CRPPA: variants seen among roughly 807,000 people sequenced by gnomAD.
The protein encoded by CRPPA is D-ribitol-5-phosphate cytidylyltransferase.
In CRPPA, 43 loss-of-function variants were observed where a neutral mutation model predicts 52.0. That is an observed-to-expected ratio of 0.83 (90% confidence interval 0.65 to 1.07). CRPPA has a LOEUF of 1.07. Among genes scored for constraint, CRPPA ranks in the 50% least tolerant of loss-of-function variants. CRPPA has a pLI of 0.00. For missense variants in CRPPA, 629 were observed against 551.7 expected (o/e 1.14, Z -1.40); for synonymous variants, 250 against 203.5 (o/e 1.23, Z -1.94).
intron 9 of CRPPA, among the ~76,000 whole-genome samples, chr7:16,114,776 T>A (rs1304048722): frequency 1.3e-5 from 2 of 152,030 alleles, no homozygotes; most frequent in Non-Finnish European, 2.9e-5. Flanking sequence ...TTCTCCACCA[T>A]TAAATAAGAT....
chr7:16,378,925 G>C (rs1408622937), intron 2 of CRPPA, among the ~76,000 whole-genome samples: 1 of 152,154 alleles, frequency 6.6e-6, no homozygotes, highest in Non-Finnish European at 1.5e-5. Context: ...AGAAGTGTCT[G>C]TTCATCTCCT....
chr7:16,376,041 T>A, intron 3 of CRPPA, 51 bp downstream of exon 3: 1 of 1,526,294 alleles, frequency 6.6e-7, no homozygotes, highest in Non-Finnish European at 8.8e-7. Context: ...GTGGAGGTTG[T>A]TTGGGGAACC....
At chr7:16,187,553 A>C (rs1781530936) in intron 9 of CRPPA, among the ~76,000 whole-genome samples, 1 of 152,214 alleles carries the variant, frequency 6.6e-6, no homozygotes, top group South Asian at 2.1e-4. Flanking sequence ...TAACCTTAAG[A>C]GATCCAAGGC....
At chr7:16,277,758 TC>T (rs1362436972) in intron 6 of CRPPA, among the ~76,000 whole-genome samples, 3 of 152,118 alleles carry the variant, frequency 2.0e-5, no homozygotes, top group African/African-American at 7.2e-5. Context: ...GTCTCTTATT[TC>T]CCCCTCCCTC....
At chr7:16,373,818 A>C (rs528277414) in intron 3 of CRPPA, among the ~76,000 whole-genome samples, 1 of 152,340 alleles carries the variant, frequency 6.6e-6, no homozygotes, top group South Asian at 2.1e-4. Flanking sequence ...GAGAAGAAGC[A>C]ATCCAGCCAG....
chr7:16,322,750 A>G (rs922839363), intron 3 of CRPPA, among the ~76,000 whole-genome samples: 1 of 152,128 alleles, frequency 6.6e-6, no homozygotes, highest in African/African-American at 2.4e-5. Context: ...TAAGTTCCAC[A>G]ACCGTATATT....
At chr7:16,098,488 C>T (rs1330804117) in intron 9 of CRPPA, among the ~76,000 whole-genome samples, 1 of 152,176 alleles carries the variant, frequency 6.6e-6, no homozygotes, top group Non-Finnish European at 1.5e-5. Context: ...TAATACCCTT[C>T]TTCCATCCTT....
intron 9 of CRPPA, among the ~76,000 whole-genome samples, chr7:16,201,977 C>G (rs1781871232): frequency 6.6e-6 from 1 of 152,100 alleles, no homozygotes; most frequent in Non-Finnish European, 1.5e-5. Flanking sequence ...ATGTTCCTAA[C>G]ACATTAAGTT....
At chr7:16,215,968 C>T in intron 9 of CRPPA, 98 bp downstream of exon 9, 1 of 959,674 alleles carries the variant, frequency 1.0e-6, no homozygotes, top group Non-Finnish European at 1.5e-6. Context: ...GCTGTAATTT[C>T]ACTTATCAAT....
chr7:16,324,797 A>T (rs1181072952), intron 3 of CRPPA, among the ~76,000 whole-genome samples: 1 of 152,252 alleles, frequency 6.6e-6, no homozygotes, highest in Non-Finnish European at 1.5e-5. Context: ...TGGAGTCTGC[A>T]ATCTTTGACT....
At chr7:16,224,470 C>T (rs1368218953) in intron 8 of CRPPA, among the ~76,000 whole-genome samples, 1 of 152,040 alleles carries the variant, frequency 6.6e-6, no homozygotes, top group Non-Finnish European at 1.5e-5. Context: ...GTTTATTTCA[C>T]TAAGAACCAA....
chr7:16,129,448 G>A (rs566878195), intron 9 of CRPPA, among the ~76,000 whole-genome samples: 8 of 151,956 alleles, frequency 5.3e-5, no homozygotes, highest in South Asian at 2.1e-4. Flanking sequence ...GATCTCCTGC[G>A]TTGGTCAAAT....
intron 4 of CRPPA, among the ~76,000 whole-genome samples, chr7:16,307,367 C>T (rs941979973): frequency 6.6e-6 from 1 of 152,012 alleles, no homozygotes; most frequent in Non-Finnish European, 1.5e-5. Flanking sequence ...ATCTTGTTTG[C>T]AATAAGTATT....
chr7:16,348,490 G>A (rs1786069510), intron 3 of CRPPA, among the ~76,000 whole-genome samples: 2 of 152,168 alleles, frequency 1.3e-5, no homozygotes, highest in South Asian at 4.1e-4. Flanking sequence ...CCGCCCTGAG[G>A]TAATGCATCC....
chr7:16,368,276 T>C (rs1197033915), intron 3 of CRPPA, among the ~76,000 whole-genome samples: 1 of 152,222 alleles, frequency 6.6e-6, no homozygotes, highest in African/African-American at 2.4e-5. Flanking sequence ...ACTCTTGAAA[T>C]TTGTATTATT....
intron 9 of CRPPA, among the ~76,000 whole-genome samples, chr7:16,099,736 T>C (rs1782005714): frequency 6.6e-6 from 1 of 152,354 alleles, no homozygotes; most frequent in East Asian, 1.9e-4. Flanking sequence ...TTTCTAGATC[T>C]GGGACTTGTG....
At position 16,154,074 on chromosome 7, in the gene CRPPA, A is replaced by G. The variant is rs185599940; in HGVS notation, c.1251+61992T>C. 1.2e-4 allele frequency among the ~76,000 whole-genome samples: 18 copies of G among 150,508 alleles called. No individual in the cohort carries two copies. In the East Asian group the frequency reaches 3.5e-3, roughly 29 times the overall value. On this transcript the variant is annotated intron_variant, in intron 9 of 9. Coordinates refer to ENST00000407010, the MANE Select transcript of CRPPA (RefSeq NM_001101426.4). Reference sequence around the variant, plus strand: ...ATCTCGTATGGTCAAGTAAACTACTAATAGGCAGTAGTATTAAATAAATAA... The same window carrying G: ...ATCTCGTATGGTCAAGTAAACTACTGATAGGCAGTAGTATTAAATAAATAA...
chr7:16,104,668 A>C (rs1782112996), intron 9 of CRPPA, among the ~76,000 whole-genome samples: 1 of 152,182 alleles, frequency 6.6e-6, no homozygotes, highest in African/African-American at 2.4e-5. Flanking sequence ...TAGGAGGCCA[A>C]GGTGGGCAGA....
At chr7:16,391,299 C>T (rs1787438130) in intron 2 of CRPPA, among the ~76,000 whole-genome samples, 1 of 152,114 alleles carries the variant, frequency 6.6e-6, no homozygotes, top group Non-Finnish European at 1.5e-5. Context: ...TCTTATAATT[C>T]AGCCCATCAG....
Sources: gnomAD v4.1 joint callset for allele counts (sites outside exome capture counted in the v4.1 genomes callset) on GRCh38, gnomAD v4.1.1 for gene constraint, MANE v1.5 for transcripts, NCBI Gene and HGNC (gene_info 2026-07-23, HGNC 2026-07-21) for gene names.